Variants in RTTN observed in about 807,000 individuals in gnomAD.
RTTN encodes the protein rotatin.
A neutral mutation model predicts 269.2 loss-of-function variants in RTTN; 182 were observed. The ratio of observed to expected loss-of-function variants is 0.68; its 90% CI spans 0.60 to 0.76. The LOEUF (loss-of-function observed/expected upper bound fraction) is 0.76, where lower values mean the gene tolerates loss of function less well. Among genes scored for constraint, RTTN ranks in the 30% least tolerant of loss-of-function variants. The pLI is 0.00. For missense variants in RTTN, 2,545 were observed against 2,608.6 expected (o/e 0.98, Z 0.53); for synonymous variants, 1,006 against 963.5 (o/e 1.04, Z -0.82).
intron 46 of RTTN, among the ~76,000 whole-genome samples, chr18:70,011,863 TAGAGGGCAGCGTC>T (rs2056382710): frequency 6.6e-6 from 1 of 152,078 alleles, no homozygotes; most frequent in Non-Finnish European, 1.5e-5. Context: ...TGGTATTGGT[TAGAGGGCAGCGTC>T]TGCTCACTGG....
intron 18 of RTTN, among the ~76,000 whole-genome samples, chr18:70,143,492 G>A (rs776860711): frequency 6.6e-6 from 1 of 152,110 alleles, no homozygotes; most frequent in Non-Finnish European, 1.5e-5. Flanking sequence ...AAATAACACA[G>A]GAACAGAAAA....
chr18:70,057,447 C>A (rs2057851373), intron 37 of RTTN, among the ~76,000 whole-genome samples: 1 of 152,144 alleles, frequency 6.6e-6, no homozygotes, highest in African/African-American at 2.4e-5. Flanking sequence ...ATACCAATGT[C>A]CCTCTTTATT....
At chr18:70,028,921 A>G in intron 42 of RTTN, 120 bp from the exon 43 acceptor site, 1 of 544,142 alleles carries the variant, frequency 1.8e-6, no homozygotes, top group African/African-American at 1.9e-5. Flanking sequence ...ATCATGCCCA[A>G]CCACTGTAAC....
chr18:70,063,247 C>T (rs1422416516), intron 35 of RTTN, among the ~76,000 whole-genome samples: 8 of 152,016 alleles, frequency 5.3e-5, no homozygotes, highest in South Asian at 4.1e-4. Flanking sequence ...TCCACAGCCT[C>T]GCCAAAAGAA....
intron 40 of RTTN, among the ~76,000 whole-genome samples, chr18:70,036,868 G>A (rs1267784869): frequency 4.6e-5 from 7 of 152,180 alleles, no homozygotes; most frequent in South Asian, 2.1e-4. Context: ...TAATGTGTAC[G>A]GCTAAAAGAG....
chr18:70,095,354 GTTATTTTGCCCA>G (rs1384474636), intron 28 of RTTN, among the ~76,000 whole-genome samples: 2 of 152,140 alleles, frequency 1.3e-5, no homozygotes, highest in Non-Finnish European at 2.9e-5. Context: ...ATGTTAGCTG[GTTATTTTGCCCA>G]TTAGTTGACG....
chr18:70,167,080 G>T, intron 12 of RTTN, 49 bp from the exon 13 acceptor site: 3 of 1,230,314 alleles, frequency 2.4e-6, no homozygotes, highest in Non-Finnish European at 3.6e-6. Flanking sequence ...CATGTGCAAT[G>T]ATATTCTCAA....
intron 12 of RTTN, among the ~76,000 whole-genome samples, chr18:70,167,956 G>A (rs2061035413): frequency 6.6e-6 from 1 of 151,910 alleles, no homozygotes; most frequent in African/African-American, 2.4e-5. Context: ...AGACCAGCCT[G>A]GGCAACACAG....
chr18:70,147,474 A>G (rs2060424686), intron 17 of RTTN, among the ~76,000 whole-genome samples: 1 of 152,130 alleles, frequency 6.6e-6, no homozygotes, highest in Non-Finnish European at 1.5e-5. Flanking sequence ...TGTTCACACA[A>G]GGACAAAATC....
At chr18:70,162,040 C>T (rs773680101) in intron 14 of RTTN, among the ~76,000 whole-genome samples, 5 of 152,054 alleles carry the variant, frequency 3.3e-5, no homozygotes, top group Non-Finnish European at 7.4e-5. Flanking sequence ...ATCTTTCTAC[C>T]AGAAAGACAC....
Position 70,098,928 on chromosome 18 carries a change from C to T in RTTN, c.3904-6124G>A, listed in dbSNP as rs139308819. 4.6e-3 allele frequency among the ~76,000 whole-genome samples: 696 copies of T among 152,186 alleles called. 6 individuals are homozygous for T. Among genetic ancestry groups the T allele is most frequent in the African/African-American group, 0.016 (654 of 41,508 alleles). ...TGTCCTTGCGATAGTTTGCTGAGAA[C>T]GATGGTTTCCAGCTTCATCCATGTC... is the stretch of plus-strand genomic sequence containing the variant. On this transcript the variant is annotated intron_variant, in intron 28 of 48. Coordinates refer to ENST00000640769, the MANE Select transcript of RTTN (RefSeq NM_173630.4).
intron 12 of RTTN, among the ~76,000 whole-genome samples, chr18:70,167,983 C>A (rs2061036327): frequency 6.6e-6 from 1 of 151,726 alleles, no homozygotes; most frequent in Admixed American, 6.6e-5. Flanking sequence ...CTCATCTCTA[C>A]AAAACAATTT....
Position 70,121,659 on chromosome 18 carries a change from A to C in RTTN, c.3425T>G (p.Leu1142Arg), listed in dbSNP as rs752395600. The change falls in exon 26 of 49, where the codon CTG becomes CGG. Residue 1142 changes from leucine (L) to arginine (R), a missense_variant. By Grantham distance (102) the Leu-to-Arg change is moderately radical. Coordinates refer to ENST00000640769, the MANE Select transcript of RTTN (RefSeq NM_173630.4). Reference protein sequence around the residue: ...VLPACTEDEKLLIDIIHFLNK... With the variant: ...VLPACTEDEKRLIDIIHFLNK... ...TAAAAAATGTATGATATCTATTAGCAGTTTCTCATCTTCAGTGCAAGCAGG... is the reference window on the plus strand; with the variant it reads ...TAAAAAATGTATGATATCTATTAGCCGTTTCTCATCTTCAGTGCAAGCAGG... 4 of 1,569,308 alleles carry C rather than the reference A, an allele frequency of 2.5e-6. No homozygotes were observed. The highest frequency in any genetic ancestry group is 2.0e-5 in the Admixed American group (1 of 49,440).
At chr18:70,048,625 T>C (rs1475147369) in intron 39 of RTTN, among the ~76,000 whole-genome samples, 3 of 152,350 alleles carry the variant, frequency 2.0e-5, no homozygotes, top group Non-Finnish European at 2.9e-5. Flanking sequence ...TTTAGATTTA[T>C]GCTTGTGTGA....
chr18:70,103,561 T>A (rs1270149241), intron 28 of RTTN, among the ~76,000 whole-genome samples: 1 of 152,018 alleles, frequency 6.6e-6, no homozygotes, highest in East Asian at 1.9e-4. Context: ...GAAGGCAGCA[T>A]GCTGGTCAAG....
intron 20 of RTTN, 71 bp downstream of exon 20, chr18:70,140,029 C>T: frequency 9.9e-7 from 1 of 1,005,180 alleles, no homozygotes; most frequent in Non-Finnish European, 1.6e-6. Context: ...CCAAATTCTG[C>T]TCAGTTCAAT....
intron 11 of RTTN, among the ~76,000 whole-genome samples, chr18:70,169,278 C>T (rs2061074317): frequency 6.6e-6 from 1 of 152,076 alleles, no homozygotes; most frequent in African/African-American, 2.4e-5. Flanking sequence ...TGTCTCAAGT[C>T]CAAATATCAA....
chr18:70,084,460 C>G (rs2058651156), intron 32 of RTTN, among the ~76,000 whole-genome samples: 1 of 151,962 alleles, frequency 6.6e-6, no homozygotes, highest in Non-Finnish European at 1.5e-5. Context: ...ACCATGTGCC[C>G]CACTAGCTGC....
chr18:70,088,728 T>C lies in RTTN; in HGVS notation c.4144-581A>G, dbSNP rs142500569. On this transcript the variant is annotated intron_variant, in intron 30 of 48. Transcript: ENST00000640769. ...AAATTTCTGAATTCGAATCCAAAAATATAGTTTCAATGACAGCTATAGAAT... is the reference window on the plus strand; with the variant it reads ...AAATTTCTGAATTCGAATCCAAAAACATAGTTTCAATGACAGCTATAGAAT... 5.0e-3 allele frequency among the ~76,000 whole-genome samples: 761 copies of C among 152,286 alleles called. 3 individuals carry two copies. Among genetic ancestry groups the C allele is most frequent in the South Asian group, 7.7e-3 (37 of 4,826 alleles).
Sources: gnomAD v4.1 joint callset for allele counts (sites outside exome capture counted in the v4.1 genomes callset) on GRCh38, gnomAD v4.1.1 for gene constraint, MANE v1.5 for transcripts, NCBI Gene and HGNC (gene_info 2026-07-23, HGNC 2026-07-21) for gene names.